SETD7: variants seen among roughly 807,000 people sequenced by gnomAD.
SETD7 encodes histone-lysine N-methyltransferase SETD7.
In SETD7, 16 loss-of-function variants were observed where a neutral mutation model predicts 41.8. The ratio of observed to expected loss-of-function variants is 0.38; its 90% CI spans 0.26 to 0.58. The LOEUF (loss-of-function observed/expected upper bound fraction) is 0.58, where lower values mean the gene tolerates loss of function less well. Ranked by LOEUF, SETD7 falls within the 20% of genes least tolerant of loss-of-function variation. The pLI, the probability that SETD7 is intolerant of heterozygous loss-of-function variation, is 0.64. For synonymous variants in SETD7, 163 were observed against 169.7 expected (o/e 0.96, Z 0.31); for missense variants, 346 against 459.7 (o/e 0.75, Z 2.26).
At chr4:139,498,739 T>A (rs2592964) in intron 7 of SETD7, among the ~76,000 whole-genome samples, 4 of 152,018 alleles carry the variant, frequency 2.6e-5, no homozygotes, top group Admixed American at 6.5e-5. Context: ...AGGCAGATCC[T>A]GCCAACCAGA....
downstream of SETD7, among the ~76,000 whole-genome samples, chr4:139,493,540 ATTTT>A (rs200493936): frequency 2.1e-5 from 3 of 139,884 alleles, no homozygotes. Context: ...GTACTTTACT[ATTTT>A]TTTTTTTTTT....
chr4:139,523,316 C>T (rs753657496), intron 5 of SETD7, 38 bp downstream of exon 5: 3 of 1,483,196 alleles, frequency 2.0e-6, no homozygotes, highest in Non-Finnish European at 2.8e-6. Flanking sequence ...TTTAACCTCA[C>T]ATAAACAGTG....
intron 7 of SETD7, among the ~76,000 whole-genome samples, chr4:139,496,773 T>C (rs1726464036): frequency 6.6e-6 from 1 of 152,182 alleles, no homozygotes; most frequent in African/African-American, 2.4e-5. Flanking sequence ...TGAACTGAAA[T>C]AGCTATTGAC....
intron 3 of SETD7, 124 bp downstream of exon 3, chr4:139,533,041 T>C (rs2111152787): frequency 3.9e-6 from 3 of 771,328 alleles, no homozygotes; most frequent in Non-Finnish European, 6.7e-6. Context: ...AAACTCTTGG[T>C]GTCAGCTGTG....
chr4:139,546,368 T>A (rs1021036331), intron 2 of SETD7: 1 of 220,928 alleles, frequency 4.5e-6, no homozygotes, highest in African/African-American at 2.4e-5. Context: ...ATCAATCTCA[T>A]GAGGAGAGGC....
chr4:139,535,956 C>T (rs1727626646), intron 2 of SETD7, among the ~76,000 whole-genome samples: 1 of 152,194 alleles, frequency 6.6e-6, no homozygotes. Context: ...CTACCTTTCT[C>T]TCTAACTGTT....
intron 7 of SETD7, among the ~76,000 whole-genome samples, chr4:139,513,201 C>T (rs1038777243): frequency 6.6e-6 from 1 of 151,756 alleles, no homozygotes; most frequent in African/African-American, 2.4e-5. Flanking sequence ...GGGTGGATCA[C>T]TTGAGGTCAG....
chr4:139,552,808 C>G (rs1481498742), intron 1 of SETD7, among the ~76,000 whole-genome samples: 1 of 152,188 alleles, frequency 6.6e-6, no homozygotes, highest in East Asian at 1.9e-4. Context: ...TAAGCTGGAA[C>G]TAATTTTTAC....
At chr4:139,518,888 T>C (rs1044934946) in intron 6 of SETD7, among the ~76,000 whole-genome samples, 2 of 152,200 alleles carry the variant, frequency 1.3e-5, no homozygotes, top group Admixed American at 6.5e-5. Flanking sequence ...CCCCAGGAGC[T>C]GGTGATGACA....
chr4:139,501,277 G>A (rs964232296), downstream of SETD7, among the ~76,000 whole-genome samples: 7 of 152,116 alleles, frequency 4.6e-5, no homozygotes, highest in Non-Finnish European at 7.3e-5. Flanking sequence ...TAAGAAATTC[G>A]TGCTGAACTT....
chr4:139,546,571 A>T, intron 2 of SETD7: 1 of 351,530 alleles, frequency 2.8e-6, no homozygotes, highest in Non-Finnish European at 5.4e-6. Context: ...AACGATCCCC[A>T]CTTGTGTGAC....
chr4:139,540,044 T>G (rs553269909), intron 2 of SETD7, among the ~76,000 whole-genome samples: 1 of 152,284 alleles, frequency 6.6e-6, no homozygotes, highest in African/African-American at 2.4e-5. Flanking sequence ...TCCTAATAAT[T>G]ATTAATAATA....
At chr4:139,494,346 T>C (rs1726416093), downstream of SETD7, among the ~76,000 whole-genome samples, 1 of 152,232 alleles carries the variant, frequency 6.6e-6, no homozygotes, top group Admixed American at 6.5e-5. Context: ...ACACATGTCC[T>C]GCTGTGTCTA....
intron 5 of SETD7, among the ~76,000 whole-genome samples, chr4:139,521,294 C>G (rs764224848): frequency 6.6e-6 from 1 of 151,956 alleles, no homozygotes; most frequent in African/African-American, 2.4e-5. Flanking sequence ...GGTGTGGTGG[C>G]GGGTGCCTGT....
rs1728231673 is a variant in SETD7, at chr4:139,555,382, G to A, written c.40+716C>T. Among the ~76,000 whole-genome samples the A allele has an allele frequency of 6.6e-6, 1 of 151,722 alleles. No homozygotes were observed. Among genetic ancestry groups the A allele is most frequent in the Admixed American group, 6.6e-5 (1 of 15,244 alleles). On this transcript the variant is annotated intron_variant, in intron 1 of 7. Transcript: ENST00000274031. The surrounding 1 kb of genome is among the most constrained non-coding windows in gnomAD (Gnocchi z 4.0). The stretch of plus-strand genomic sequence containing the variant: ...ACTCGCGGCGCGCCTGCACAGCGTG[G>A]CGGCTGCATCCCAGCCAAGCAGGAA...
chr4:139,501,619 CAAAT>C (rs543196320), downstream of SETD7, among the ~76,000 whole-genome samples: 1,962 of 151,876 alleles, frequency 0.013, 45 homozygotes, highest in African/African-American at 0.042. Context: ...AAAAAAACCC[CAAAT>C]AAATAAATAA....
At chr4:139,517,536 T>G (rs1727061301) in intron 7 of SETD7, among the ~76,000 whole-genome samples, 1 of 150,792 alleles carries the variant, frequency 6.6e-6, no homozygotes, top group Non-Finnish European at 1.5e-5. Context: ...TGCAGAGTAA[T>G]TTAAATTTTT....
rs114811299 is a variant in SETD7 at position 139,498,804 on chromosome 4, C to T, written c.921-2283G>A. Among the ~76,000 whole-genome samples the T allele has an allele frequency of 8.7e-3, 1,318 of 152,312 alleles. 16 individuals are homozygous for T. The highest frequency in any genetic ancestry group is 0.03 in the African/African-American group (1,257 of 41,566). ...CCTAAAAATATCACTCTAACTTTCC[C>T]TCTGCCTTTCTGTGTAAAAACTGAC... On this transcript the variant is annotated intron_variant, in intron 7 of 7. Transcript: ENST00000506866.
chr4:139,550,047 T>C (rs1728067983), intron 1 of SETD7, among the ~76,000 whole-genome samples: 1 of 152,158 alleles, frequency 6.6e-6, no homozygotes, highest in South Asian at 2.1e-4. Flanking sequence ...CCAAAACGGC[T>C]AATTAAAAAT....
Sources: gnomAD v4.1 joint callset for allele counts (sites outside exome capture counted in the v4.1 genomes callset) on GRCh38, gnomAD v4.1.1 for gene constraint, Gnocchi (gnomAD v3.1) non-coding constraint, MANE v1.5 for transcripts, NCBI Gene and HGNC (gene_info 2026-07-23, HGNC 2026-07-21) for gene names.